The following RIC3 variants were observed in gnomAD, a reference collection of about 807,000 sequenced individuals.
RIC3 encodes the protein protein RIC-3.
Under a neutral mutation model 27.3 loss-of-function variants are expected in RIC3, and 28 were observed. That is an observed-to-expected ratio of 1.02 (90% CI 0.76 to 1.41). The LOEUF (loss-of-function observed/expected upper bound fraction) is 1.41. Among genes scored for constraint, RIC3 ranks in the 40% most tolerant of loss-of-function variants. RIC3 has a pLI of 0.00. For synonymous variants in RIC3, 184 were observed against 160.4 expected, an observed-to-expected ratio of 1.15 and a Z score of -1.11; for missense variants, 501 against 444.7, an observed-to-expected ratio of 1.13 and a Z score of -1.14.
chr11:8,139,505 G>A (rs1948796667), intron 2 of RIC3: 1 of 158,372 alleles, frequency 6.3e-6, no homozygotes, highest in Non-Finnish European at 1.4e-5. Context: ...AATTCCTGTG[G>A]AGAAACAAGC....
chr11:8,117,442 A>G (rs906181569), intron 5 of RIC3, among the ~76,000 whole-genome samples: 1 of 152,226 alleles, frequency 6.6e-6, no homozygotes. Flanking sequence ...TAACTGAAAT[A>G]AGCCAGGCAC....
chr11:8,164,777 C>A (rs1951517950), intron 1 of RIC3, among the ~76,000 whole-genome samples: 1 of 106,612 alleles, frequency 9.4e-6, no homozygotes, highest in African/African-American at 4.0e-5. Context: ...GACCCTGTCT[C>A]TCTCAAAAAA....
At chr11:8,133,550 G>A (rs748279400) in intron 4 of RIC3, among the ~76,000 whole-genome samples, 18 of 152,188 alleles carry the variant, frequency 1.2e-4, no homozygotes, top group Non-Finnish European at 1.8e-4. Context: ...AAGAGGTAGG[G>A]TGGAAAAAGT....
At chr11:8,161,316 G>T (rs183764914) in intron 1 of RIC3, among the ~76,000 whole-genome samples, 1 of 152,094 alleles carries the variant, frequency 6.6e-6, no homozygotes, top group Non-Finnish European at 1.5e-5. Context: ...GTGAACTGGG[G>T]TCCCAAGTTT....
At chr11:8,104,373 C>CCAAGT (rs1321631589), downstream of RIC3, 1 of 152,286 alleles carries the variant, frequency 6.6e-6, no homozygotes, top group Non-Finnish European at 1.5e-5. Flanking sequence ...CAACTCTTCT[C>CCAAGT]CAAGTCTAGC....
At chr11:8,093,913 A>G in the RIC3 span, 1 of 1,000,264 alleles carries the variant, frequency 1.0e-6, no homozygotes, top group Non-Finnish European at 1.5e-6. Context: ...TGGGCTGTAG[A>G]AGTGGTACAG....
chr11:8,164,421 A>C (rs112734679), intron 1 of RIC3, among the ~76,000 whole-genome samples: 2,064 of 152,266 alleles, frequency 0.014, 59 homozygotes, highest in African/African-American at 0.048. Flanking sequence ...AATATTTGCA[A>C]ATCATATATC....
At chr11:8,144,100 A>G (rs1396057090) in intron 1 of RIC3, among the ~76,000 whole-genome samples, 2 of 152,356 alleles carry the variant, frequency 1.3e-5, no homozygotes, top group East Asian at 3.9e-4. Flanking sequence ...AGGCATTACC[A>G]TTCAGGACAC....
At chr11:8,127,609 G>T (rs1163031952) in intron 4 of RIC3, among the ~76,000 whole-genome samples, 1 of 152,162 alleles carries the variant, frequency 6.6e-6, no homozygotes. Context: ...TCTTCTAGAG[G>T]AAAGCACTGC....
chr11:8,139,636 ATTTT>A (rs72265360), intron 2 of RIC3: 20 of 92,680 alleles, frequency 2.2e-4, no homozygotes, highest in African/African-American at 7.1e-4. Context: ...AAAGATGTTA[ATTTT>A]TTTTTTTTTT....
chr11:8,163,069 C>CACACACACACACA (rs1565138023), intron 1 of RIC3, among the ~76,000 whole-genome samples: 7 of 138,160 alleles, frequency 5.1e-5, no homozygotes, highest in South Asian at 4.8e-4. Flanking sequence ...ACACACACAC[C>CACACACACACACA]CCCCAAAACA....
At chr11:8,129,583 TAAG>T (rs1444518116) in intron 4 of RIC3, among the ~76,000 whole-genome samples, 1 of 152,144 alleles carries the variant, frequency 6.6e-6, no homozygotes, top group Non-Finnish European at 1.5e-5. Flanking sequence ...TGGAAGATTC[TAAG>T]ATGATAGAAA....
chr11:8,123,620 A>C (rs938912805), intron 5 of RIC3, among the ~76,000 whole-genome samples: 17 of 152,134 alleles, frequency 1.1e-4, no homozygotes, highest in African/African-American at 3.6e-4. Context: ...TAAAGTTGAC[A>C]ATATGGATGA....
At chr11:8,100,808 G>A in the RIC3 span, 5 of 1,612,870 alleles carry the variant, frequency 3.1e-6, no homozygotes, top group South Asian at 3.3e-5. Context: ...CCTGGCTCAG[G>A]TGAGGCTGCC....
chr11:8,139,087 G>A (rs1210351765), intron 2 of RIC3: 1 of 152,320 alleles, frequency 6.6e-6, no homozygotes, highest in Non-Finnish European at 1.5e-5. Flanking sequence ...ACGTCCAAGT[G>A]CTGCTTCTTT....
At chr11:8,126,571 C>A in intron 5 of RIC3, 88 bp downstream of exon 5, 1 of 1,471,396 alleles carries the variant, frequency 6.8e-7, no homozygotes, top group Non-Finnish European at 9.3e-7. Flanking sequence ...ATATATTATA[C>A]CTCAATAATG....
chr11:8,121,208 C>A (rs1329733280), intron 5 of RIC3, among the ~76,000 whole-genome samples: 3 of 152,012 alleles, frequency 2.0e-5, no homozygotes, highest in Non-Finnish European at 4.4e-5. Flanking sequence ...AGTTAAAATT[C>A]CATATAATTT....
intron 5 of RIC3, among the ~76,000 whole-genome samples, chr11:8,111,692 A>C (rs1945279768): frequency 6.6e-6 from 1 of 152,262 alleles, no homozygotes. Context: ...AGATCCCGAA[A>C]GGACAAGCAC....
chr11:8,145,646 G>A (rs2134012931), intron 1 of RIC3, among the ~76,000 whole-genome samples: 1 of 152,232 alleles, frequency 6.6e-6, no homozygotes, highest in African/African-American at 2.4e-5. Context: ...CTTGTGGGGA[G>A]GGGCAGAGGC....
Sources: gnomAD v4.1 joint callset for allele counts (sites outside exome capture counted in the v4.1 genomes callset) on GRCh38, gnomAD v4.1.1 for gene constraint, MANE v1.5 for transcripts, NCBI Gene and HGNC (gene_info 2026-07-23, HGNC 2026-07-21) for gene names.